The following ALDH9A1 variants were observed in gnomAD, a reference collection of about 807,000 sequenced individuals.
ALDH9A1 encodes the protein aldehyde dehydrogenase 9 family member A1.
ALDH9A1 carries 42 observed loss-of-function variants against 56.6 expected under a neutral mutation model. The ratio of observed to expected loss-of-function variants is 0.74; its 90% CI spans 0.58 to 0.96. ALDH9A1 has a LOEUF of 0.96. ALDH9A1 is among the 40% of genes least tolerant of loss of function. The pLI is 0.00. For synonymous variants in ALDH9A1, 242 were observed against 236.0 expected, an observed-to-expected ratio of 1.03 and a Z score of -0.23; for missense variants, 661 against 651.5, an observed-to-expected ratio of 1.01 and a Z score of -0.16.
In ALDH9A1 at chr1:165,695,297, G is replaced by A; in HGVS notation, c.282C>T (p.Gly94=). Residue 94 remains glycine (G), a synonymous_variant, in exon 2 of 11, where the codon GGC becomes GGT. Transcript: ENST00000354775. ...CCAAAAGGATTCGGCAACGCTCCAT[G>A]CCAGATTTTTGACTCCATATTTTAA... ...AAFKIWSQKS[G]MERCRILLEA... 2 of 1,612,962 alleles carry A rather than the reference G, an allele frequency of 1.2e-6. No homozygotes were observed. The highest frequency in any genetic ancestry group is 1.7e-6 in the Non-Finnish European group (2 of 1,179,536).
rs764811237 is a variant in ALDH9A1 at position 165,667,329 on chromosome 1, T to C, written c.1329A>G (p.Leu443=). Residue 443 remains leucine (L), a synonymous_variant, in exon 9 of 11, where the codon CTA becomes CTG. Transcript: ENST00000354775. ...LERANDTTFG[L]AAGVFTRDIQ... The stretch of plus-strand genomic sequence containing the variant: ...CATACCTGGTAAAGACGCCAGCTGC[T>C]AGTCCAAAAGTGGTATCATTGGCTC... 8.1e-6 allele frequency: 13 copies of C among 1,614,142 alleles called. No individual in the cohort carries two copies. Among genetic ancestry groups the C allele is most frequent in the Non-Finnish European group, 1.1e-5 (13 of 1,179,980 alleles).
In ALDH9A1 at chr1:165,683,097, T is replaced by C; in HGVS notation, c.341A>G (p.Glu114Gly). ...GTTGATGCACTCCATAGTAGCAATT[T>C]CATCCTCCCGTTCCTTTGGGTAAAG... is the stretch of plus-strand genomic sequence containing the variant. ...AARIIRERED[E>G]IATMECINNG... Residue 114 changes from glutamate (E) to glycine (G), a missense_variant, in exon 3 of 11, where the codon GAA becomes GGA. Transcript: ENST00000354775. The C allele has an allele frequency of 6.2e-7, 1 of 1,614,060 alleles. No homozygotes were observed. The highest frequency in any genetic ancestry group is 8.5e-7 in the Non-Finnish European group (1 of 1,179,934).
chr1:165,663,046 G>A lies in ALDH9A1; in HGVS notation c.*4C>T. On this transcript the variant is annotated 3_prime_UTR_variant, in exon 11 of 11. Transcript: ENST00000354775. ...GCCATGTCAATAGGTTTCACTGCAG[G>A]TTTTCAAAAAGCAGATTCCACATCA... is the stretch of plus-strand genomic sequence containing the variant. 1 of 1,613,502 alleles carries A rather than the reference G, an allele frequency of 6.2e-7. No individual in the cohort carries two copies. The highest frequency in any genetic ancestry group is 8.5e-7 in the Non-Finnish European group (1 of 1,179,508).
intron 2 of ALDH9A1, among the ~76,000 whole-genome samples, chr1:165,694,250 C>T (rs1037150460): frequency 6.6e-6 from 1 of 151,324 alleles, no homozygotes; most frequent in Non-Finnish European, 1.5e-5. Flanking sequence ...ACTTGTTCCT[C>T]GCAGCTCTGG....
intron 1 of ALDH9A1, among the ~76,000 whole-genome samples, chr1:165,696,629 T>G (rs552393187): frequency 6.6e-6 from 1 of 152,104 alleles, no homozygotes. Context: ...CCTATTCTGG[T>G]GCAAATTATG....
At chr1:165,683,190 G>T in intron 2 of ALDH9A1, 80 bp from the exon 3 acceptor site, 1 of 1,417,544 alleles carries the variant, frequency 7.1e-7, no homozygotes, top group Non-Finnish European at 9.8e-7. Flanking sequence ...AGAACACACT[G>T]CTCAATTTTT....
At chr1:165,690,570 C>T (rs1649856499) in intron 2 of ALDH9A1, among the ~76,000 whole-genome samples, 2 of 152,108 alleles carry the variant, frequency 1.3e-5, no homozygotes, top group African/African-American at 2.4e-5. Context: ...ACTGGTTCAC[C>T]TGGGAAGCAC....
At chr1:165,668,763 G>T (rs1649083224) in intron 8 of ALDH9A1, 163 bp downstream of exon 8, 1 of 539,854 alleles carries the variant, frequency 1.9e-6, no homozygotes. Flanking sequence ...CACACAGAAG[G>T]CTTCAAAGAT....
At chr1:165,690,514 G>A (rs1441387058) in intron 2 of ALDH9A1, among the ~76,000 whole-genome samples, 1 of 152,156 alleles carries the variant, frequency 6.6e-6, no homozygotes, top group African/African-American at 2.4e-5. Flanking sequence ...GCAGAAGACG[G>A]TGATTTCTGC....
intron 2 of ALDH9A1, among the ~76,000 whole-genome samples, chr1:165,687,585 A>G (rs1014319920): frequency 7.7e-6 from 1 of 130,576 alleles, no homozygotes; most frequent in Non-Finnish European, 1.7e-5. Flanking sequence ...TCTTTAAAGT[A>G]CTGAAAGAAA....
chr1:165,667,264 A>C (rs1035959593), intron 9 of ALDH9A1, 45 bp downstream of exon 9: 1 of 1,611,196 alleles, frequency 6.2e-7, no homozygotes, highest in Non-Finnish European at 8.5e-7. Flanking sequence ...CAGATACTGC[A>C]GCCCCGCTCC....
chr1:165,664,437 G>A (rs1325628803), intron 10 of ALDH9A1, among the ~76,000 whole-genome samples: 1 of 152,090 alleles, frequency 6.6e-6, no homozygotes, highest in East Asian at 1.9e-4. Flanking sequence ...TATATGTTGT[G>A]GTAACATATG....
At chr1:165,682,326 C>T (rs529524652) in intron 3 of ALDH9A1, 85 bp from the exon 4 acceptor site, 1 of 1,420,726 alleles carries the variant, frequency 7.0e-7, no homozygotes, top group Non-Finnish European at 9.7e-7. Flanking sequence ...GACTTGTACT[C>T]CAGTCAACGC....
In ALDH9A1 at chr1:165,668,976, G is replaced by T. The variant is rs1040757455; in HGVS notation, c.1157C>A (p.Pro386His). The T allele has an allele frequency of 1.6e-5, 26 of 1,611,644 alleles. No homozygotes were observed. Among genetic ancestry groups the T allele is most frequent in the African/African-American group, 2.7e-5 (2 of 74,790 alleles). ...KVLCGGDIYV[P>H]EDPKLKDGYY... ...TCCATCCTTTAATTTGGGATCTTCA[G>T]GTACATATATATCTCCACCACATAA... The change falls in exon 8 of 11, where the codon CCT (proline) becomes CAT (histidine). Residue 386 changes from proline to histidine, a missense_variant. Coordinates refer to ENST00000354775, the MANE Select transcript of ALDH9A1 (RefSeq NM_000696.4).
rs1014127920 is a variant in ALDH9A1 at position 165,662,965 on chromosome 1, A to G, written c.*85T>C. On this transcript the variant is annotated 3_prime_UTR_variant, in exon 11 of 11. Transcript: ENST00000354775. ...ACGCCAAAATTCTGGATGTAAAATA[A>G]CATTCAGTTGTACTGCCTCTGTAAA... 18 of 1,198,318 alleles carry G rather than the reference A, an allele frequency of 1.5e-5. No individual in the cohort carries two copies. In the Middle Eastern group the frequency reaches 5.8e-4, roughly 38 times the overall value. 74.2% of individuals were successfully genotyped at this position (1,198,318 alleles called of 1,614,324 possible). A position where few individuals can be genotyped will look rare whatever the true frequency, so the allele number is the denominator to read the frequency against.
intron 2 of ALDH9A1, among the ~76,000 whole-genome samples, chr1:165,685,341 T>C (rs1381402418): frequency 6.6e-6 from 1 of 152,232 alleles, no homozygotes; most frequent in Non-Finnish European, 1.5e-5. Flanking sequence ...ACAGACTAGC[T>C]CTTATACTTA....
chr1:165,671,294 G>A (rs998622385), intron 6 of ALDH9A1: 1 of 320,624 alleles, frequency 3.1e-6, no homozygotes, highest in African/African-American at 2.2e-5. Context: ...GTCTGTCTCA[G>A]TCAGCTTTGC....
chr1:165,691,264 C>T (rs1281118336), intron 2 of ALDH9A1, among the ~76,000 whole-genome samples: 1 of 152,194 alleles, frequency 6.6e-6, no homozygotes, highest in African/African-American at 2.4e-5. Context: ...GAGTGGACCT[C>T]CAGCAAACTC....
intron 2 of ALDH9A1, among the ~76,000 whole-genome samples, chr1:165,694,018 G>A (rs941673849): frequency 7.3e-6 from 1 of 136,894 alleles, no homozygotes; most frequent in Non-Finnish European, 1.5e-5. Context: ...TGAACAATGA[G>A]ATCACTTGGA....
Sources: allele counts gnomAD v4.1 joint callset (sites outside exome capture counted in the v4.1 genomes callset), GRCh38; gene constraint gnomAD v4.1.1; transcripts MANE v1.5; gene names NCBI Gene and HGNC (gene_info 2026-07-23, HGNC 2026-07-21).